Variants in PRSS53 observed in about 807,000 individuals in gnomAD.
PRSS53 encodes EDTP308.
A neutral mutation model predicts 62.7 loss-of-function variants in PRSS53; 54 were observed. That is an observed-to-expected ratio of 0.86 (90% confidence interval 0.69 to 1.08). PRSS53 has a LOEUF of 1.08. PRSS53 is among the 50% of genes least tolerant of loss of function. PRSS53 has a pLI of 0.00. For synonymous variants in PRSS53, 273 were observed against 300.0 expected (o/e 0.91, Z 0.93); for missense variants, 688 against 728.3 (o/e 0.94, Z 0.64).
At position 31,084,346 on chromosome 16, in the gene PRSS53, T is replaced by G; in HGVS notation, c.1426-11A>C. On this transcript the variant is annotated splice_polypyrimidine_tract_variant and intron_variant, in intron 9 of 10. Transcript: ENST00000280606. ...TGCCCCAGACAGGCCCTGTCAGGGG[T>G]CAGGTGACACTGGGTGACTTTTTAT... 6.2e-7 allele frequency: 1 copy of G among 1,607,380 alleles called. No homozygotes were observed. The highest frequency in any genetic ancestry group is 8.5e-7 in the Non-Finnish European group (1 of 1,177,680).
At chr16:31,088,215 G>C in intron 1 of PRSS53, 1 of 1,169,350 alleles carries the variant, frequency 8.6e-7, no homozygotes, top group Non-Finnish European at 1.1e-6. Flanking sequence ...GGAAGGATTA[G>C]AGGCCTGCAT....
At chr16:31,088,895 G>A in exon 1 of PRSS53, 2 of 1,578,990 alleles carry the variant, frequency 1.3e-6, no homozygotes, top group South Asian at 1.1e-5. Flanking sequence ...TCCACCTCCA[G>A]TTGGCTAGGA....
chr16:31,086,501 G>A lies in PRSS53; in HGVS notation c.509-10C>T, dbSNP rs1320003147. The A allele has an allele frequency of 6.2e-7, 1 of 1,607,768 alleles. No homozygotes were observed. The highest frequency in any genetic ancestry group is 1.3e-5 in the African/African-American group (1 of 74,840). On this transcript the variant is annotated splice_polypyrimidine_tract_variant and intron_variant, in intron 4 of 10. Coordinates refer to ENST00000280606, the Ensembl canonical transcript of PRSS53. ...CGTAGGGTCCCAGGAGCTGGTGAAA[G>A]AGACGGGGCTGGGGCTAGAGTCTGG... is the stretch of plus-strand genomic sequence containing the variant.
chr16:31,086,374 C>A, exon 5 of PRSS53: 1 of 1,613,850 alleles, frequency 6.2e-7, no homozygotes, highest in Non-Finnish European at 8.5e-7. Context: ...GGGGCCCCCA[C>A]ATAGCATCCC....
At chr16:31,088,579 G>A (rs1303041169) in intron 1 of PRSS53, 173 bp downstream of exon 1, 1 of 1,439,428 alleles carries the variant, frequency 6.9e-7, no homozygotes, top group African/African-American at 1.4e-5. Flanking sequence ...TCTCATCCAT[G>A]TTGACACAGG....
chr16:31,084,307 T>A (rs1345850195), exon 10 of PRSS53: 9 of 1,612,672 alleles, frequency 5.6e-6, no homozygotes, highest in Non-Finnish European at 7.6e-6. Context: ...GCCCCTCACC[T>A]CATGCACCAG....
intron 1 of PRSS53, 103 bp downstream of exon 1, chr16:31,088,649 G>A (rs912173393): frequency 3.2e-5 from 50 of 1,581,128 alleles, no homozygotes; most frequent in African/African-American, 5.4e-5. Context: ...GTGGACTGTC[G>A]CCCACAGGCG....
intron 10 of PRSS53, 58 bp from the exon 11 acceptor site, chr16:31,083,867 T>C (rs1046721621): frequency 1.0e-5 from 14 of 1,342,204 alleles, no homozygotes; most frequent in East Asian, 6.9e-5. Flanking sequence ...GGTCCCTCCC[T>C]CCCTCCCCAT....
At chr16:31,083,867 T>TCCCC (rs2057197067) in intron 10 of PRSS53, 58 bp from the exon 11 acceptor site, 1 of 1,323,428 alleles carries the variant, frequency 7.6e-7, no homozygotes, top group African/African-American at 1.4e-5. Flanking sequence ...GGTCCCTCCC[T>TCCCC]CCCTCCCCAT....
intron 1 of PRSS53, chr16:31,088,263 T>G (rs1488528332): frequency 4.0e-5 from 45 of 1,129,882 alleles, no homozygotes; most frequent in Non-Finnish European, 4.7e-5. Flanking sequence ...AATGGAGACT[T>G]ACCTCACCCT....
exon 8 of PRSS53, chr16:31,084,912 TGTC>T: frequency 6.5e-7 from 1 of 1,542,566 alleles, no homozygotes; most frequent in Non-Finnish European, 8.8e-7. Flanking sequence ...AGGAGGGCCA[TGTC>T]GTAGCCCCCC....
At chr16:31,083,531 AT>A in exon 11 of PRSS53, 1 of 1,392,896 alleles carries the variant, frequency 7.2e-7, no homozygotes, top group Admixed American at 3.4e-5. Flanking sequence ...GCGTGATTGT[AT>A]CTGAAAGGGT....
rs772562721 is a variant in PRSS53, at chr16:31,086,697, G to A, written c.444C>T (p.Pro148=). Reference sequence around the variant, plus strand: ...AGGCTCCAAAGGGGAAGCGATGGGCGGGCTGGGGCAGGCAGAGGGGTGTGT... The same window carrying A: ...AGGCTCCAAAGGGGAAGCGATGGGCAGGCTGGGGCAGGCAGAGGGGTGTGT... Residue 148 remains proline, a synonymous_variant, in exon 4 of 11, where the codon CCC becomes CCT. Transcript: ENST00000280606. 7.7e-6 allele frequency: 12 copies of A among 1,560,626 alleles called. No homozygotes were observed. In the Admixed American group the frequency reaches 9.4e-5, roughly 12 times the overall value.
At chr16:31,084,335 C>T (rs1428321887) in exon 10 of PRSS53, 46 of 1,610,766 alleles carry the variant, frequency 2.9e-5, no homozygotes, top group Non-Finnish European at 3.8e-5. Flanking sequence ...CCAGACAGGC[C>T]CTGTCAGGGG....
exon 11 of PRSS53, chr16:31,083,564 C>G (rs146889052): frequency 1.6e-5 from 23 of 1,436,990 alleles, no homozygotes; most frequent in Non-Finnish European, 1.9e-5. Flanking sequence ...AAAGCTGAGA[C>G]GCCTGCTTGG....
intron 6 of PRSS53, 62 bp from the exon 7 acceptor site, chr16:31,085,322 C>T (rs755715966): frequency 6.9e-7 from 1 of 1,454,152 alleles, no homozygotes. Flanking sequence ...CCATCAAATC[C>T]TCACAGTAGC....
chr16:31,088,412 AAAAG>A (rs2057256819), intron 1 of PRSS53: 1 of 1,196,842 alleles, frequency 8.4e-7, no homozygotes. Flanking sequence ...AGGATGGATG[AAAAG>A]AAAGGGAAAC....
intron 3 of PRSS53, 39 bp from the exon 4 acceptor site, chr16:31,086,937 A>C (rs748915939): frequency 1.2e-5 from 18 of 1,537,064 alleles, no homozygotes; most frequent in Non-Finnish European, 1.6e-5. Context: ...GCTGAGTGCA[A>C]GGGTAGACAG....
chr16:31,088,828 G>A, exon 1 of PRSS53: 1 of 1,613,262 alleles, frequency 6.2e-7, no homozygotes, highest in Non-Finnish European at 8.5e-7. Context: ...GGGCCACTCT[G>A]CCACCTGTGC....
Sources: allele counts gnomAD v4.1 joint callset, GRCh38; gene constraint gnomAD v4.1.1; transcripts MANE v1.5; gene names NCBI Gene and HGNC (gene_info 2026-07-23, HGNC 2026-07-21).